ATE1: variants seen among roughly 807,000 people sequenced by gnomAD.
ATE1 encodes arginyltransferase 1.
ATE1 carries 36 observed loss-of-function variants against 70.5 expected under a neutral mutation model. The ratio of observed to expected loss-of-function variants is 0.51; its 90% confidence interval spans 0.39 to 0.67. The LOEUF is 0.67. Among genes scored for constraint, ATE1 ranks in the 30% least tolerant of loss-of-function variants. The pLI, the probability that ATE1 is intolerant of heterozygous loss-of-function variation, is 0.00. For synonymous variants in ATE1, 232 were observed against 219.3 expected, an observed-to-expected ratio of 1.06 and a Z score of -0.51; for missense variants, 593 against 629.5, an observed-to-expected ratio of 0.94 and a Z score of 0.62.
intron 3 of ATE1, among the ~76,000 whole-genome samples, chr10:121,921,406 G>A (rs538536114): frequency 5.3e-5 from 8 of 150,832 alleles, no homozygotes; most frequent in South Asian, 2.1e-4. Flanking sequence ...CAACAGGCAC[G>A]GCCCAGACCC....
At chr10:121,888,721 AG>A (rs1950486606) in intron 7 of ATE1, among the ~76,000 whole-genome samples, 1 of 152,234 alleles carries the variant, frequency 6.6e-6, no homozygotes, top group Admixed American at 6.5e-5. Flanking sequence ...GCCTCATACC[AG>A]GAACTACTAA....
At chr10:121,780,918 C>T (rs1236582774) in intron 11 of ATE1, among the ~76,000 whole-genome samples, 2 of 152,228 alleles carry the variant, frequency 1.3e-5, no homozygotes, top group Admixed American at 6.5e-5. Context: ...TCTGTCATCA[C>T]TAGGTTCCCT....
At chr10:121,746,017 T>C (rs1334928692) in intron 11 of ATE1, among the ~76,000 whole-genome samples, 2 of 152,200 alleles carry the variant, frequency 1.3e-5, no homozygotes, top group African/African-American at 2.4e-5. Flanking sequence ...TGGAGACATA[T>C]ATGTCAGCCT....
At chr10:121,789,198 G>A (rs1288254129) in intron 11 of ATE1, among the ~76,000 whole-genome samples, 2 of 151,214 alleles carry the variant, frequency 1.3e-5, no homozygotes, top group Non-Finnish European at 2.9e-5. Flanking sequence ...TGAGAAATCT[G>A]AGACAAGGGA....
At chr10:121,744,890 T>C (rs1376545512) in intron 11 of ATE1, among the ~76,000 whole-genome samples, 1 of 152,220 alleles carries the variant, frequency 6.6e-6, no homozygotes, top group Non-Finnish European at 1.5e-5. Flanking sequence ...TTCCAAAGGA[T>C]AGCTGACCTG....
rs746916204 is a variant in ATE1 at position 121,899,857 on chromosome 10, C to T, written c.942+9G>A. On this transcript the variant is annotated intron_variant, in intron 7 of 11. Coordinates refer to ENST00000224652, the MANE Select transcript of ATE1 (RefSeq NM_001001976.3). Reference sequence around the variant, plus strand: ...GTTTGCACAGGAAAATTACACTTGGCCTGCTGACCTGGCTTTCGGTTGGCG... The same window carrying T: ...GTTTGCACAGGAAAATTACACTTGGTCTGCTGACCTGGCTTTCGGTTGGCG... The T allele has an allele frequency of 6.2e-7, 1 of 1,609,792 alleles. No individual in the cohort carries two copies. The highest frequency in any genetic ancestry group is 8.5e-7 in the Non-Finnish European group (1 of 1,177,830).
chr10:121,752,586 T>A (rs1030720773), intron 11 of ATE1, among the ~76,000 whole-genome samples: 10 of 152,184 alleles, frequency 6.6e-5, no homozygotes, highest in Non-Finnish European at 1.5e-4. Flanking sequence ...TTTTAATTTT[T>A]GTATATGGTG....
rs1283187043 is a variant in ATE1, at chr10:121,840,988, G to C, written c.1157+94C>G. 6 of 1,131,550 alleles carry C rather than the reference G, an allele frequency of 5.3e-6. No individual in the cohort carries two copies. The Admixed American group carries it at 9.8e-5, about 18-fold the overall frequency. 70.1% of individuals were successfully genotyped at this position (1,131,550 alleles called of 1,614,324 possible). ...AATCATTATAATACACTGTCAATTA[G>C]GACTTCTACTGTTACATAATTAAAT... On this transcript the variant is annotated intron_variant, in intron 9 of 11. Transcript: ENST00000224652.
chr10:121,752,479 C>T (rs1432375873), intron 11 of ATE1, among the ~76,000 whole-genome samples: 1 of 151,900 alleles, frequency 6.6e-6, no homozygotes, highest in Non-Finnish European at 1.5e-5. Context: ...TCTGCCTGCC[C>T]TAGCCTCCCA....
At chr10:121,912,801 G>A (rs929818387) in intron 4 of ATE1, among the ~76,000 whole-genome samples, 2 of 150,356 alleles carry the variant, frequency 1.3e-5, no homozygotes, top group African/African-American at 2.4e-5. Flanking sequence ...CTGGAGTGCA[G>A]TGGCAGGATC....
At chr10:121,826,507 C>T (rs1333941363) in intron 10 of ATE1, among the ~76,000 whole-genome samples, 7 of 152,178 alleles carry the variant, frequency 4.6e-5, no homozygotes, top group Admixed American at 4.6e-4. Context: ...AGGGTTTCAC[C>T]ATGTTGGCCA....
At chr10:121,762,128 A>T (rs1289412469) in intron 11 of ATE1, among the ~76,000 whole-genome samples, 1 of 152,228 alleles carries the variant, frequency 6.6e-6, no homozygotes, top group Non-Finnish European at 1.5e-5. Context: ...AAAGCGTATC[A>T]GAAAACCAGG....
At chr10:121,895,599 A>G (rs1047612866) in intron 7 of ATE1, among the ~76,000 whole-genome samples, 2 of 150,918 alleles carry the variant, frequency 1.3e-5, no homozygotes, top group Non-Finnish European at 3.0e-5. Context: ...GGTTGACAAG[A>G]GCGAAACTCC....
At position 121,741,600 on chromosome 10, in the gene ATE1, G is replaced by A. The variant is rs1249230339; in HGVS notation, c.*2080C>T. 4 of 152,186 alleles carry A rather than the reference G, an allele frequency of 2.6e-5. No individual in the cohort carries two copies. Among genetic ancestry groups the A allele is most frequent in the African/African-American group, 9.7e-5 (4 of 41,444 alleles). 9.4% of individuals were successfully genotyped at this position (152,186 alleles called of 1,614,324 possible). ...TACCATTTTACATGCTAATCACAAAGACAAATGGAGGGAAGATACAGTGAT... is the reference window on the plus strand; with the variant it reads ...TACCATTTTACATGCTAATCACAAAAACAAATGGAGGGAAGATACAGTGAT... On this transcript the variant is annotated 3_prime_UTR_variant, in exon 12 of 12. Coordinates refer to ENST00000224652, the MANE Select transcript of ATE1 (RefSeq NM_001001976.3).
At chr10:121,927,206 T>G in intron 1 of ATE1, 3 of 985,436 alleles carry the variant, frequency 3.0e-6, no homozygotes, top group Non-Finnish European at 3.6e-6. Context: ...TGGGCTGGCT[T>G]TGCTGTCGTC....
At chr10:121,903,131 C>CAA (rs1951053747) in intron 5 of ATE1, among the ~76,000 whole-genome samples, 1 of 111,256 alleles carries the variant, frequency 9.0e-6, no homozygotes, top group Non-Finnish European at 2.2e-5. Context: ...CCTCGTGATT[C>CAA]ACCCACCTTG....
At chr10:121,819,534 C>T (rs1590384249) in intron 10 of ATE1, among the ~76,000 whole-genome samples, 1 of 151,740 alleles carries the variant, frequency 6.6e-6, no homozygotes, top group Non-Finnish European at 1.5e-5. Flanking sequence ...GAAACCCCGT[C>T]TCTACTAAAA....
chr10:121,870,858 G>C (rs920817011), intron 7 of ATE1, among the ~76,000 whole-genome samples: 1 of 152,082 alleles, frequency 6.6e-6, no homozygotes, highest in African/African-American at 2.4e-5. Flanking sequence ...TTTCATTGTT[G>C]TTATTTACAG....
At chr10:121,786,703 GACCAAAT>G (rs1946229854) in intron 11 of ATE1, among the ~76,000 whole-genome samples, 1 of 151,920 alleles carries the variant, frequency 6.6e-6, no homozygotes. Context: ...GTTTTCTTAT[GACCAAAT>G]TAATGGTCAA....
Sources: gnomAD v4.1 joint callset for allele counts (sites outside exome capture counted in the v4.1 genomes callset) on GRCh38, gnomAD v4.1.1 for gene constraint, MANE v1.5 for transcripts, NCBI Gene and HGNC (gene_info 2026-07-23, HGNC 2026-07-21) for gene names.